The following SETBP1 variants were observed in gnomAD, a reference collection of about 807,000 sequenced individuals.
SETBP1 encodes the protein SET-binding protein.
In SETBP1, 9 loss-of-function variants were observed where a neutral mutation model predicts 101.0. The observed-to-expected ratio is 0.09, with a 90% CI of 0.05 to 0.16. SETBP1 has a LOEUF of 0.16. Among genes scored for constraint, SETBP1 ranks in the 10% least tolerant of loss-of-function variants. SETBP1 has a pLI of 1.00. For synonymous variants in SETBP1, 818 were observed against 788.5 expected, an observed-to-expected ratio of 1.04 and a Z score of -0.63; for missense variants, 1,858 against 2,033.8, an observed-to-expected ratio of 0.91 and a Z score of 1.66.
At chr18:44,977,664 G>A (rs2072020614) in intron 4 of SETBP1, among the ~76,000 whole-genome samples, 1 of 152,196 alleles carries the variant, frequency 6.6e-6, no homozygotes, top group Non-Finnish European at 1.5e-5. Context: ...TTACAATCTT[G>A]TTTCCCAGAA....
chr18:44,748,420 G>C (rs759215453), intron 2 of SETBP1, among the ~76,000 whole-genome samples: 3 of 152,224 alleles, frequency 2.0e-5, no homozygotes, highest in Non-Finnish European at 2.9e-5. Context: ...AGGAGGAAGA[G>C]GAGAGCACAC....
chr18:44,860,102 T>C (rs1433072315), intron 2 of SETBP1, among the ~76,000 whole-genome samples: 1 of 152,198 alleles, frequency 6.6e-6, no homozygotes, highest in East Asian at 1.9e-4. Context: ...TTAGAAAGCT[T>C]TGATACTCAT....
intron 3 of SETBP1, among the ~76,000 whole-genome samples, chr18:44,943,983 C>T (rs755994210): frequency 1.1e-4 from 17 of 151,788 alleles, no homozygotes; most frequent in Non-Finnish European, 1.3e-4. Context: ...TACAGGTGCA[C>T]GCCATGATAC....
intron 2 of SETBP1, among the ~76,000 whole-genome samples, chr18:44,787,651 G>A (rs1229841907): frequency 1.3e-5 from 2 of 148,836 alleles, no homozygotes; most frequent in African/African-American, 5.0e-5. Context: ...TCAGGAGATC[G>A]AGACCATCCT....
chr18:44,698,596 A>T (rs993185694), intron 1 of SETBP1, among the ~76,000 whole-genome samples: 1 of 152,062 alleles, frequency 6.6e-6, no homozygotes, highest in Non-Finnish European at 1.5e-5. Flanking sequence ...TACCTAGGAA[A>T]CCCCCATCAA....
At chr18:44,993,460 T>C (rs2072423856) in intron 4 of SETBP1, among the ~76,000 whole-genome samples, 1 of 152,028 alleles carries the variant, frequency 6.6e-6, no homozygotes, top group South Asian at 2.1e-4. Context: ...CTAAAAGTGA[T>C]TAAATACAGA....
Position 45,006,298 on chromosome 18 carries a change from C to G in SETBP1, c.4001-32187C>G, listed in dbSNP as rs929269784. On this transcript the variant is annotated intron_variant, in intron 4 of 5. Transcript: ENST00000649279. ...TATTTCCCCCATTTACTCAGCACCC[C>G]TACTTCATATATGTCTGTTCCTACT... 5.3e-5 allele frequency among the ~76,000 whole-genome samples: 8 copies of G among 152,132 alleles called. No individual in the cohort carries two copies. In the East Asian group the frequency reaches 7.7e-4, roughly 15 times the overall value.
rs377726234 is a variant in SETBP1, at chr18:44,950,867, C to T, written c.1527C>T (p.Cys509=). ...KPPMVMTPPT[C]TDHSPSRKLP... is the part of the protein sequence containing the mutation. ...CCATGGTCATGACACCTCCAACGTG[C>T]ACAGATCACTCTCCATCCAGAAAGC... The change falls in exon 4 of 6, where the codon TGC becomes TGT. Residue 509 remains cysteine (C), a synonymous_variant. Coordinates refer to ENST00000649279, the MANE Select transcript of SETBP1 (RefSeq NM_015559.3). 3 of 1,614,036 alleles carry T rather than the reference C, an allele frequency of 1.9e-6. No individual in the cohort carries two copies. The African/African-American group carries it at 4.0e-5, about 22-fold the overall frequency.
intron 1 of SETBP1, among the ~76,000 whole-genome samples, chr18:44,685,951 T>A (rs1351099003): frequency 1.3e-5 from 2 of 152,226 alleles, no homozygotes; most frequent in Admixed American, 1.3e-4. Flanking sequence ...CAGGAAATGC[T>A]CTTTGAGTTA....
chr18:44,776,638 C>T (rs921864731), intron 2 of SETBP1, among the ~76,000 whole-genome samples: 12 of 152,320 alleles, frequency 7.9e-5, no homozygotes, highest in African/African-American at 2.9e-4. Context: ...TTGGGCTTAT[C>T]CTTTATGCCT....
chr18:44,732,205 A>G (rs1599046048), intron 2 of SETBP1, among the ~76,000 whole-genome samples: 1 of 152,238 alleles, frequency 6.6e-6, no homozygotes, highest in South Asian at 2.1e-4. Context: ...TACCCTCGTT[A>G]TGAGTCCTGA....
chr18:44,921,887 T>C (rs1397541713), intron 3 of SETBP1, among the ~76,000 whole-genome samples: 3 of 152,178 alleles, frequency 2.0e-5, no homozygotes, highest in African/African-American at 7.2e-5. Flanking sequence ...CAAATGGCTT[T>C]CCAGGGCACA....
intron 3 of SETBP1, chr18:44,876,705 C>CTATT: frequency 6.5e-7 from 1 of 1,549,138 alleles, no homozygotes; most frequent in Non-Finnish European, 8.7e-7. Context: ...CCGGTTCTCT[C>CTATT]ACTCTTCCTT....
At chr18:44,872,191 A>G (rs1255197668) in intron 3 of SETBP1, 1 of 152,182 alleles carries the variant, frequency 6.6e-6, no homozygotes, top group Admixed American at 6.5e-5. Context: ...TAAAAGCCCA[A>G]AAACCATATG....
At chr18:45,045,124 A>AT (rs1380097855) in intron 5 of SETBP1, among the ~76,000 whole-genome samples, 1 of 152,066 alleles carries the variant, frequency 6.6e-6, no homozygotes, top group African/African-American at 2.4e-5. Context: ...TTTACTAAAA[A>AT]AAAAAATAAA....
intron 1 of SETBP1, among the ~76,000 whole-genome samples, chr18:44,693,870 C>A (rs755896497): frequency 4.6e-5 from 7 of 152,192 alleles, no homozygotes; most frequent in South Asian, 2.1e-4. Flanking sequence ...TAAAGACTTC[C>A]CTCCCTGACA....
intron 3 of SETBP1, among the ~76,000 whole-genome samples, chr18:44,943,239 C>T (rs1315348602): frequency 2.0e-5 from 3 of 152,310 alleles, no homozygotes; most frequent in East Asian, 1.9e-4. Flanking sequence ...AACCGTTTCA[C>T]TCTCTCTATC....
chr18:44,899,689 A>G (rs1381423843), intron 3 of SETBP1, among the ~76,000 whole-genome samples: 1 of 152,212 alleles, frequency 6.6e-6, no homozygotes, highest in African/African-American at 2.4e-5. Flanking sequence ...TTTATTATGC[A>G]TTGATCTCCA....
intron 2 of SETBP1, among the ~76,000 whole-genome samples, chr18:44,856,577 A>C (rs1041773580): frequency 6.6e-6 from 1 of 152,228 alleles, no homozygotes; most frequent in East Asian, 1.9e-4. Context: ...AAAATGCTTT[A>C]TATCTTGAAA....
Sources: gnomAD v4.1 joint callset for allele counts (sites outside exome capture counted in the v4.1 genomes callset) on GRCh38, gnomAD v4.1.1 for gene constraint, MANE v1.5 for transcripts, NCBI Gene and HGNC (gene_info 2026-07-23, HGNC 2026-07-21) for gene names.